Variants in CARNS1 observed in about 807,000 individuals in gnomAD.
The protein encoded by CARNS1 is carnosine synthase 1, also known as ATP-grasp domain containing 1.
Under a neutral mutation model 74.0 loss-of-function variants are expected in CARNS1, and 61 were observed. That is an observed-to-expected ratio of 0.82 (90% confidence interval 0.67 to 1.02). The LOEUF is 1.02. Ranked by LOEUF, CARNS1 falls within the 50% of genes least tolerant of loss-of-function variation. The pLI is 0.00. For synonymous variants in CARNS1, 568 were observed against 605.5 expected (o/e 0.94, Z 0.91); for missense variants, 1,278 against 1,308.4 (o/e 0.98, Z 0.36).
Position 67,420,609 on chromosome 11 carries a change from G to T in CARNS1, c.1114G>T (p.Val372Leu). Residue 372 changes from valine to leucine, a missense_variant and splice_region_variant, in exon 8 of 10, where the codon GTG (valine) becomes TTG (leucine). Physicochemically the swap from Val to Leu is conservative, Grantham distance 32. Transcript: ENST00000687366. The stretch of plus-strand genomic sequence containing the variant: ...TCCCCCTGAGTCTCCCCCTGCCCAG[G>T]TGGTGTGCGGCGTGGGCCGCGGGGA... ...TQGDRPLLSKVVCGVGRGDRP... is the reference protein window; with the variant it reads ...TQGDRPLLSKLVCGVGRGDRP... 1 of 1,238,858 alleles carries T rather than the reference G, an allele frequency of 8.1e-7. No homozygotes were observed. The highest frequency in any genetic ancestry group is 1.0e-6 in the Non-Finnish European group (1 of 991,886). The allele number at this position is 1,238,858 out of a possible 1,614,324, so 76.7% of individuals were successfully genotyped here. A position where few individuals can be genotyped will look rare whatever the true frequency, so the allele number is the denominator to read the frequency against.
At chr11:67,421,413 G>C (rs1173668212) in intron 9 of CARNS1, among the ~76,000 whole-genome samples, 194 bp downstream of exon 9, 2 of 152,246 alleles carry the variant, frequency 1.3e-5, no homozygotes, top group African/African-American at 4.8e-5. Flanking sequence ...CGCCCGGTGA[G>C]GGTGAGGGGA....
intron 1 of CARNS1, 160 bp from the exon 2 acceptor site, chr11:67,416,016 C>T: frequency 3.1e-6 from 2 of 644,960 alleles, no homozygotes; most frequent in Non-Finnish European, 5.7e-6. Flanking sequence ...GCAGAAATCC[C>T]TCCCTACCTT....
At chr11:67,422,563 G>C (rs1863736314) in intron 9 of CARNS1, among the ~76,000 whole-genome samples, 1 of 152,090 alleles carries the variant, frequency 6.6e-6, no homozygotes, top group Admixed American at 6.6e-5. Context: ...CTGAGCTCAA[G>C]CGATCCTCCT....
rs1863767337 is a variant in CARNS1 at position 67,423,895 on chromosome 11, T to G, written c.2147T>G (p.Leu716Arg). ...GAGGCCGACCACCCAGGCATTGGGC[T>G]GGGCTGGGGCAATGCCATGCTGCTG... ...QGEADHPGIG[L>R]GWGNAMLLME... Residue 716 changes from leucine to arginine, a missense_variant, in exon 10 of 10, where the codon CTG (leucine) becomes CGG (arginine). By Grantham distance (102) the Leu-to-Arg change is moderately radical. This residue lies in a region of CARNS1 where 1,164 missense variants were observed against 1,156.5 expected (regional missense o/e 1.01). Coordinates refer to ENST00000687366, the MANE Select transcript of CARNS1 (RefSeq NM_001166222.2). This position sits in a 1 kb window ranked among gnomAD's most constrained non-coding sequence, Gnocchi z 5.1. 1 of 1,613,578 alleles carries G rather than the reference T, an allele frequency of 6.2e-7. No individual in the cohort carries two copies. Among genetic ancestry groups the G allele is most frequent in the African/African-American group, 1.3e-5 (1 of 74,950 alleles).
At position 67,424,355 on chromosome 11, in the gene CARNS1, C is replaced by T. The variant is rs1314322038; in HGVS notation, c.2607C>T (p.His869=). 2 of 1,603,538 alleles carry T rather than the reference C, an allele frequency of 1.2e-6. No individual in the cohort carries two copies. The highest frequency in any genetic ancestry group is 1.7e-5 in the Admixed American group (1 of 58,446). The change falls in exon 10 of 10, where the codon CAC becomes CAT. Residue 869 remains histidine, a synonymous_variant. Coordinates refer to ENST00000687366, the MANE Select transcript of CARNS1 (RefSeq NM_001166222.2). ...LVGVMCLVSQ[H]LQALSSTASR... ...GCGTCATGTGCCTTGTGTCCCAGCA[C>T]CTGCAGGCCCTGAGTTCCACCGCCA... is the stretch of plus-strand genomic sequence containing the variant.
chr11:67,424,264 T>A lies in CARNS1; in HGVS notation c.2516T>A (p.Val839Asp). The A allele has an allele frequency of 6.2e-7, 1 of 1,613,430 alleles. No homozygotes were observed. The highest frequency in any genetic ancestry group is 8.5e-7 in the Non-Finnish European group (1 of 1,179,852). Residue 839 changes from valine to aspartate, a missense_variant, in exon 10 of 10, where the codon GTT becomes GAT. This residue lies in a region of CARNS1 where 1,164 missense variants were observed against 1,156.5 expected (regional missense o/e 1.01). Coordinates refer to ENST00000687366, the MANE Select transcript of CARNS1 (RefSeq NM_001166222.2). Reference sequence around the variant, plus strand: ...GGTGTTGACCTGCTGCTGGCTGCTGTTATGGTGGCCTGTGGCTTGCGTCCT... The same window carrying A: ...GGTGTTGACCTGCTGCTGGCTGCTGATATGGTGGCCTGTGGCTTGCGTCCT... ...LYGVDLLLAAVMVACGLRPAL... is the reference protein window; with the variant it reads ...LYGVDLLLAADMVACGLRPAL...
Position 67,423,335 on chromosome 11 carries a change from C to A in CARNS1, c.1627-40C>A. The A allele has an allele frequency of 6.4e-7, 1 of 1,570,518 alleles. No homozygotes were observed. The highest frequency in any genetic ancestry group is 1.2e-5 in the South Asian group (1 of 82,996). On this transcript the variant is annotated intron_variant, in intron 9 of 9. Coordinates refer to ENST00000687366, the MANE Select transcript of CARNS1 (RefSeq NM_001166222.2). The surrounding 1 kb of genome is among the most constrained non-coding windows in gnomAD (Gnocchi z 5.1). ...CATCCTATCCCCCTAGCACCCAGTA[C>A]TAGCTGACCTGGATATGCCCCACCC...
Position 67,423,723 on chromosome 11 carries a change from G to A in CARNS1, c.1975G>A (p.Ala659Thr), listed in dbSNP as rs1863761636. ...GCCCTGCTGCCCACTGGAGAGTGAG[G>A]CTGATGTGGAGAGGGCCGTGCACCA... ...AVPCCPLESEADVERAVHQVP... is the reference protein window; with the variant it reads ...AVPCCPLESETDVERAVHQVP... The change falls in exon 10 of 10, where the codon GCT (alanine) becomes ACT (threonine). Residue 659 changes from alanine (A) to threonine (T), a missense_variant. Transcript: ENST00000687366. This position sits in a 1 kb window ranked among gnomAD's most constrained non-coding sequence, Gnocchi z 5.1. The A allele has an allele frequency of 3.2e-6, 5 of 1,579,270 alleles. No individual in the cohort carries two copies. Among genetic ancestry groups the A allele is most frequent in the Non-Finnish European group, 4.3e-6 (5 of 1,167,706 alleles).
In CARNS1 at chr11:67,418,814, G is replaced by A. The variant is rs1863612337; in HGVS notation, c.423G>A (p.Gln141=). 2 of 1,600,164 alleles carry A rather than the reference G, an allele frequency of 1.2e-6. No homozygotes were observed. The highest frequency in any genetic ancestry group is 1.7e-6 in the Non-Finnish European group (2 of 1,174,080). Residue 141 remains glutamine, a synonymous_variant, in exon 5 of 10, where the codon CAG becomes CAA. Transcript: ENST00000687366. ...AWLMKVPAPG[Q]PGEAALLVSK... ...TGATGAAGGTGCCAGCACCCGGGCA[G>A]CCGGGTGAGGCAGCCCTGCTAGTCT...
chr11:67,420,414 T>C (rs1005201802), intron 7 of CARNS1, among the ~76,000 whole-genome samples, 195 bp from the exon 8 acceptor site: 9 of 152,100 alleles, frequency 5.9e-5, no homozygotes, highest in Non-Finnish European at 1.0e-4. Flanking sequence ...CCTGGGTAGG[T>C]AGAATCCCTG....
In CARNS1 at chr11:67,419,830, C is replaced by T; in HGVS notation, c.1105C>T (p.Leu369=). 2 of 1,585,530 alleles carry T rather than the reference C, an allele frequency of 1.3e-6. No homozygotes were observed. Among genetic ancestry groups the T allele is most frequent in the Non-Finnish European group, 8.6e-7 (1 of 1,166,652 alleles). Residue 369 remains leucine (L), a synonymous_variant, in exon 7 of 10, where the codon CTG becomes TTG. Transcript: ENST00000687366. ...TCGGACACAGGGTGATAGGCCACTG[C>T]TGAGCAAGGTGAGCGTGGCCCAGGC... ...VCRTQGDRPL[L]SKVVCGVGRG...
rs181358688 is a variant in CARNS1, at chr11:67,419,215, G to C, written c.824G>C (p.Arg275Pro). Residue 275 changes from arginine to proline, a missense_variant, in exon 5 of 10, where the codon CGC becomes CCC. This residue lies in a region of CARNS1 where 1,164 missense variants were observed against 1,156.5 expected (regional missense o/e 1.01). Coordinates refer to ENST00000687366, the MANE Select transcript of CARNS1 (RefSeq NM_001166222.2). ...LVKEEVEAFLRSEALGDILQV... is the reference protein window; with the variant it reads ...LVKEEVEAFLPSEALGDILQV... ...AAAGAGGAAGTGGAGGCTTTTCTGC[G>C]CTCCGAGGCCCTGGGTGATATCCTG... The C allele has an allele frequency of 9.4e-6, 14 of 1,492,218 alleles. No individual in the cohort carries two copies. Among genetic ancestry groups the C allele is most frequent in the Non-Finnish European group, 1.3e-5 (14 of 1,115,242 alleles). The allele number at this position is 1,492,218 out of a possible 1,614,324, so 92.4% of individuals were successfully genotyped here. A position where few individuals can be genotyped will look rare whatever the true frequency, so the allele number is the denominator to read the frequency against.
In CARNS1 at chr11:67,424,056, G is replaced by A. The variant is rs1194199860; in HGVS notation, c.2308G>A (p.Gly770Arg). ...FTETAACMPTGLAPEQEAQMV... is the reference protein window; with the variant it reads ...FTETAACMPTRLAPEQEAQMV... ...TGAGACGGCGGCCTGCATGCCCACC[G>A]GGCTGGCACCAGAGCAGGAGGCACA... The change falls in exon 10 of 10, where the codon GGG becomes AGG. Residue 770 changes from glycine (G) to arginine (R), a missense_variant. Transcript: ENST00000687366. The A allele has an allele frequency of 1.4e-5, 22 of 1,612,800 alleles. No individual in the cohort carries two copies. Among genetic ancestry groups the A allele is most frequent in the South Asian group, 3.3e-5 (3 of 91,022 alleles).
Position 67,425,427 on chromosome 11 carries a change from T to G in CARNS1, c.*826T>G. 1 of 215,514 alleles carries G rather than the reference T, an allele frequency of 4.6e-6. No homozygotes were observed. Among genetic ancestry groups the G allele is most frequent in the Non-Finnish European group, 9.6e-6 (1 of 104,094 alleles). 13.4% of individuals were successfully genotyped at this position (215,514 alleles called of 1,614,324 possible). On this transcript the variant is annotated 3_prime_UTR_variant, in exon 10 of 10. Coordinates refer to ENST00000687366, the MANE Select transcript of CARNS1 (RefSeq NM_001166222.2). ...CCTCCCTCCTATGCATCACAAACCT[T>G]CTCCACCGAGCTTTGGTGCTTTGGC...
chr11:67,420,886 G>T (rs1863678060), intron 8 of CARNS1, 46 bp downstream of exon 8: 6 of 1,322,578 alleles, frequency 4.5e-6, no homozygotes, highest in Non-Finnish European at 5.8e-6. Flanking sequence ...GAGGGCCAGG[G>T]GCTGGAGGGC....
At position 67,421,152 on chromosome 11, in the gene CARNS1, T is replaced by C. The variant is rs1007021088; in HGVS notation, c.1559T>C (p.Leu520Pro). The change falls in exon 9 of 10, where the codon CTG (leucine) becomes CCG (proline). Residue 520 changes from leucine (L) to proline (P), a missense_variant. Leu to Pro is a moderately conservative substitution (Grantham distance 98). Around this residue, in one of 3 missense-constraint regions of CARNS1, gnomAD observed 1,164 missense variants for 1,156.5 expected, o/e 1.01. Transcript: ENST00000687366. Reference sequence around the variant, plus strand: ...TGCCTCATGGAGGGAAAACAGCTGCTGGTGGTCGGCGCTGGCGGCGTCAGC... The same window carrying C: ...TGCCTCATGGAGGGAAAACAGCTGCCGGTGGTCGGCGCTGGCGGCGTCAGC... Reference protein sequence around the residue: ...ARCLMEGKQLLVVGAGGVSKK... With the variant: ...ARCLMEGKQLPVVGAGGVSKK... The C allele has an allele frequency of 2.0e-6, 3 of 1,492,546 alleles. No homozygotes were observed. Among genetic ancestry groups the C allele is most frequent in the Admixed American group, 2.2e-5 (1 of 44,810 alleles). The allele number at this position is 1,492,546 out of a possible 1,614,324, so 92.5% of individuals were successfully genotyped here.
At chr11:67,422,345 G>A (rs1486485896) in intron 9 of CARNS1, among the ~76,000 whole-genome samples, 5 of 150,960 alleles carry the variant, frequency 3.3e-5, no homozygotes, top group Admixed American at 6.6e-5. Context: ...CAACATGTCC[G>A]GCTAATTTTT....
In CARNS1 at chr11:67,424,907, C is replaced by T; in HGVS notation, c.*306C>T. The stretch of plus-strand genomic sequence containing the variant: ...CACACACACACCTCTGACGCCAGCT[C>T]CCCAGGTGGGAGTGGGCCCAAACCC... On this transcript the variant is annotated 3_prime_UTR_variant, in exon 10 of 10. Transcript: ENST00000687366. 1 of 591,860 alleles carries T rather than the reference C, an allele frequency of 1.7e-6. No homozygotes were observed. The highest frequency in any genetic ancestry group is 2.2e-5 in the Admixed American group (1 of 45,472). The allele number at this position is 591,860 out of a possible 1,614,324, so 36.7% of individuals were successfully genotyped here.
At chr11:67,420,459 A>G (rs1037988451) in intron 7 of CARNS1, 150 bp from the exon 8 acceptor site, 1 of 430,840 alleles carries the variant, frequency 2.3e-6, no homozygotes, top group Non-Finnish European at 3.9e-6. Context: ...AGTGGCAGGG[A>G]GAGCTCGTGT....
Sources: allele counts gnomAD v4.1 joint callset (sites outside exome capture counted in the v4.1 genomes callset), GRCh38; gene constraint gnomAD v4.1.1; regional missense constraint gnomAD v4.1.1; non-coding constraint Gnocchi (gnomAD v3.1); transcripts MANE v1.5; gene names NCBI Gene and HGNC (gene_info 2026-07-23, HGNC 2026-07-21).